SLC47A1: variants seen among roughly 807,000 people sequenced by gnomAD.
The protein encoded by SLC47A1 is solute carrier family 47 member 1.
SLC47A1 carries 58 observed loss-of-function variants against 65.8 expected under a neutral mutation model. The ratio of observed to expected loss-of-function variants is 0.88; its 90% CI spans 0.71 to 1.10. The LOEUF (loss-of-function observed/expected upper bound fraction) is 1.10. Among genes scored for constraint, SLC47A1 ranks in the 50% least tolerant of loss-of-function variants. The pLI, the probability that SLC47A1 is intolerant of heterozygous loss-of-function variation, is 0.00. For missense variants in SLC47A1, 706 were observed against 719.2 expected (o/e 0.98, Z 0.21); for synonymous variants, 285 against 295.0 (o/e 0.97, Z 0.35).
intron 1 of SLC47A1, among the ~76,000 whole-genome samples, chr17:19,540,899 G>A (rs1472848110): frequency 6.6e-6 from 1 of 150,862 alleles, no homozygotes; most frequent in Non-Finnish European, 1.5e-5. Context: ...GGAACAGGCT[G>A]TGCTTGCTCT....
At chr17:19,569,618 C>T (rs756231938) in intron 14 of SLC47A1, among the ~76,000 whole-genome samples, 11 of 152,188 alleles carry the variant, frequency 7.2e-5, no homozygotes, top group Non-Finnish European at 2.9e-5. Flanking sequence ...TCAGAAGCAA[C>T]CTCAGGAAAT....
At position 19,577,375 on chromosome 17, in the gene SLC47A1, C is replaced by G; in HGVS notation, c.1535C>G (p.Thr512Arg). ...EGILTNDVGK[T>R]GEPQSDQQMR... ...ATTTTAACGAACGATGTTGGAAAGA[C>G]AGGCGAGCCTCAGTCAGATCAGCAG... The change falls in exon 17 of 17, where the codon ACA becomes AGA. Residue 512 changes from threonine (T) to arginine (R), a missense_variant. Coordinates refer to ENST00000270570, the MANE Select transcript of SLC47A1 (RefSeq NM_018242.3). The G allele has an allele frequency of 6.2e-7, 1 of 1,614,190 alleles. No individual in the cohort carries two copies. The highest frequency in any genetic ancestry group is 8.5e-7 in the Non-Finnish European group (1 of 1,180,034).
intron 5 of SLC47A1, among the ~76,000 whole-genome samples, chr17:19,549,905 A>T: frequency 6.6e-6 from 1 of 152,222 alleles, no homozygotes; most frequent in South Asian, 2.1e-4. Context: ...GTAGAGCTGG[A>T]GAGACCTCCA....
At chr17:19,575,632 T>G (rs561124055) in intron 16 of SLC47A1, among the ~76,000 whole-genome samples, 6 of 152,258 alleles carry the variant, frequency 3.9e-5, no homozygotes, top group Admixed American at 1.3e-4. Context: ...ACTTCTGGAT[T>G]CAAGCAATCC....
chr17:19,536,924 C>T (rs1916001848), intron 1 of SLC47A1, among the ~76,000 whole-genome samples: 1 of 152,176 alleles, frequency 6.6e-6, no homozygotes, highest in Non-Finnish European at 1.5e-5. Flanking sequence ...ACCCATAACA[C>T]AATGGAAATG....
chr17:19,577,414 A>C lies in SLC47A1; in HGVS notation c.1574A>C (p.Glu525Ala). Residue 525 changes from glutamate to alanine, a missense_variant, in exon 17 of 17, where the codon GAA (glutamate) becomes GCA (alanine). Coordinates refer to ENST00000270570, the MANE Select transcript of SLC47A1 (RefSeq NM_018242.3). The part of the protein sequence containing the change: ...PQSDQQMRQE[E>A]PLPEHPQDGA... ...TCAGATCAGCAGATGCGCCAAGAAG[A>C]ACCTTTGCCGGAACATCCACAGGAC... 1 of 1,614,186 alleles carries C rather than the reference A, an allele frequency of 6.2e-7. No homozygotes were observed. Among genetic ancestry groups the C allele is most frequent in the African/African-American group, 1.3e-5 (1 of 75,038 alleles).
chr17:19,572,755 T>C (rs2084410112), intron 15 of SLC47A1, 25 bp from the exon 16 acceptor site: 2 of 1,610,150 alleles, frequency 1.2e-6, no homozygotes, highest in Non-Finnish European at 1.7e-6. Context: ...TTGTGAAGCC[T>C]GATGGACTGA....
In SLC47A1 at chr17:19,545,948, C is replaced by T. The variant is rs76837816; in HGVS notation, c.238-487C>T. On this transcript the variant is annotated intron_variant, in intron 2 of 16. Transcript: ENST00000270570. ...ATTAATACTATAGTTCTAGGCCGCG[C>T]GCTGTGGCTCACACCTGTAATCCCA... Among the ~76,000 whole-genome samples, 87 of 152,144 alleles carry T rather than the reference C, an allele frequency of 5.7e-4. 1 individual carries two copies. The East Asian group carries it at 7.7e-3, about 14-fold the overall frequency.
rs2084456393 is a variant in SLC47A1, at chr17:19,578,314, TC to T, written c.*764del. On this transcript the variant is annotated 3_prime_UTR_variant, in exon 17 of 17. Transcript: ENST00000270570. ...TCAACCTCCTGGGCTCAAGTGATCC[TC>T]CCACCTCAGCCTCCTGAGTAGCTGA... 1 of 269,810 alleles carries T rather than the reference TC, an allele frequency of 3.7e-6. No individual in the cohort carries two copies. Among genetic ancestry groups the T allele is most frequent in the Non-Finnish European group, 7.4e-6 (1 of 135,542 alleles). 16.7% of individuals were successfully genotyped at this position (269,810 alleles called of 1,614,324 possible).
At chr17:19,558,972 C>T (rs1266534960) in intron 10 of SLC47A1, among the ~76,000 whole-genome samples, 4 of 152,124 alleles carry the variant, frequency 2.6e-5, no homozygotes, top group Non-Finnish European at 5.9e-5. Flanking sequence ...AGGCAATGTT[C>T]ATGTTTCAAC....
At chr17:19,558,336 G>A (rs748679907) in intron 10 of SLC47A1, among the ~76,000 whole-genome samples, 6 of 152,118 alleles carry the variant, frequency 3.9e-5, no homozygotes, top group South Asian at 4.1e-4. Context: ...TAGATTGTCC[G>A]TTTTGGGCAG....
intron 12 of SLC47A1, among the ~76,000 whole-genome samples, chr17:19,560,778 C>T (rs2084302843): frequency 1.3e-5 from 2 of 151,034 alleles, no homozygotes; most frequent in South Asian, 4.2e-4. Context: ...ACTTGGGAGG[C>T]TGAAGCTGGA....
At position 19,534,008 on chromosome 17, in the gene SLC47A1, G is replaced by T. The variant is rs1013290688; in HGVS notation, c.69G>T (p.Ser23=). Residue 23 remains serine, a synonymous_variant, in exon 1 of 17, where the codon TCG becomes TCT. Transcript: ENST00000270570. ...GPEATLEVRG[S]RCLRLSAFRE... is the part of the protein sequence containing the mutation. ...AGGCCACCCTTGAGGTCCGTGGGTC[G>T]CGCTGCTTGCGGCTGTCCGCCTTCC... The T allele has an allele frequency of 2.6e-6, 4 of 1,544,788 alleles. No individual in the cohort carries two copies. Among genetic ancestry groups the T allele is most frequent in the African/African-American group, 2.8e-5 (2 of 71,954 alleles).
At chr17:19,575,401 C>CTTT (rs1215041320) in intron 16 of SLC47A1, among the ~76,000 whole-genome samples, 3 of 137,184 alleles carry the variant, frequency 2.2e-5, no homozygotes, top group East Asian at 2.1e-4. Context: ...ATTATTATTC[C>CTTT]TTTTTTTTTT....
chr17:19,555,196 G>C lies in SLC47A1; in HGVS notation c.544-16G>C, dbSNP rs572168821. 3 of 1,611,456 alleles carry C rather than the reference G, an allele frequency of 1.9e-6. No individual in the cohort carries two copies. In the South Asian group the frequency reaches 3.3e-5, roughly 18 times the overall value. On this transcript the variant is annotated splice_polypyrimidine_tract_variant and intron_variant, in intron 6 of 16. Transcript: ENST00000270570. ...TCTGTGGATCTCAAGGATGGCATGCGGTGTCCTTTTTCCAGGGAATTGTAC... is the reference window on the plus strand; with the variant it reads ...TCTGTGGATCTCAAGGATGGCATGCCGTGTCCTTTTTCCAGGGAATTGTAC...
At position 19,577,668 on chromosome 17, in the gene SLC47A1, T is replaced by C; in HGVS notation, c.*115T>C. 2 of 1,506,370 alleles carry C rather than the reference T, an allele frequency of 1.3e-6. No homozygotes were observed. The highest frequency in any genetic ancestry group is 2.7e-5 in the South Asian group (2 of 74,366). 93.3% of individuals were successfully genotyped at this position (1,506,370 alleles called of 1,614,324 possible). A position where few individuals can be genotyped will look rare whatever the true frequency, so the allele number is the denominator to read the frequency against. On this transcript the variant is annotated 3_prime_UTR_variant, in exon 17 of 17. Coordinates refer to ENST00000270570, the MANE Select transcript of SLC47A1 (RefSeq NM_018242.3). ...GTCATTCAGGTGTGCCCATGGATTT[T>C]GAGGGCTGGAAATGCAAAGACACAT... is the stretch of plus-strand genomic sequence containing the variant.
At chr17:19,551,345 C>T (rs1426794534) in intron 5 of SLC47A1, 79 bp from the exon 6 acceptor site, 3 of 1,287,358 alleles carry the variant, frequency 2.3e-6, no homozygotes, top group African/African-American at 2.9e-5. Context: ...GGCTGTGGCT[C>T]CTAGCTCCCT....
At chr17:19,571,682 T>A in intron 15 of SLC47A1, 110 bp downstream of exon 15, 1 of 768,762 alleles carries the variant, frequency 1.3e-6, no homozygotes, top group Non-Finnish European at 2.1e-6. Context: ...TTCTTTATTC[T>A]TATCTCATGA....
chr17:19,566,717 G>T (rs1165576744), intron 12 of SLC47A1, 73 bp from the exon 13 acceptor site: 6 of 1,432,466 alleles, frequency 4.2e-6, no homozygotes, highest in Middle Eastern at 1.8e-4. Flanking sequence ...GAGCCACTGC[G>T]CCTAGCCAGA....
Sources: gnomAD v4.1 joint callset for allele counts (sites outside exome capture counted in the v4.1 genomes callset) on GRCh38, gnomAD v4.1.1 for gene constraint, MANE v1.5 for transcripts, NCBI Gene and HGNC (gene_info 2026-07-23, HGNC 2026-07-21) for gene names.